SETD7: variants seen among roughly 807,000 people sequenced by gnomAD.
SETD7 encodes the protein histone-lysine N-methyltransferase SETD7.
In SETD7, 16 loss-of-function variants were observed where a neutral mutation model predicts 41.8. That is an observed-to-expected ratio of 0.38 (90% CI 0.26 to 0.58). The LOEUF is 0.58. Ranked by LOEUF, SETD7 falls within the 20% of genes least tolerant of loss-of-function variation. The pLI is 0.64. For missense variants in SETD7, 346 were observed against 459.7 expected (o/e 0.75, Z 2.26); for synonymous variants, 163 against 169.7 (o/e 0.96, Z 0.31).
At chr4:139,545,895 A>T (rs1284303842) in intron 2 of SETD7, among the ~76,000 whole-genome samples, 1 of 152,190 alleles carries the variant, frequency 6.6e-6, no homozygotes, top group Non-Finnish European at 1.5e-5. Context: ...TACCCAACCA[A>T]CGGGTCTGAA....
downstream of SETD7, among the ~76,000 whole-genome samples, chr4:139,502,506 G>A (rs1474479714): frequency 6.6e-6 from 1 of 152,210 alleles, no homozygotes; most frequent in Non-Finnish European, 1.5e-5. Flanking sequence ...CTCCTGGACT[G>A]CAAGGGGGTG....
intron 2 of SETD7, among the ~76,000 whole-genome samples, chr4:139,542,384 G>C (rs1415838638): frequency 6.6e-6 from 1 of 152,164 alleles, no homozygotes; most frequent in East Asian, 1.9e-4. Flanking sequence ...AAAATAGCTA[G>C]AAGAAGGGAT....
chr4:139,543,816 T>G, intron 2 of SETD7, among the ~76,000 whole-genome samples: 1 of 112,168 alleles, frequency 8.9e-6, no homozygotes, highest in Non-Finnish European at 1.9e-5. Context: ...AAAAAAAAAT[T>G]AGCCGGGCGT....
intron 7 of SETD7, among the ~76,000 whole-genome samples, chr4:139,515,746 G>A (rs1435807907): frequency 6.6e-6 from 1 of 152,194 alleles, no homozygotes; most frequent in Non-Finnish European, 1.5e-5. Flanking sequence ...AAATTTTTAA[G>A]CCATTTCAAG....
In SETD7 at chr4:139,511,430, C is replaced by A. The variant is rs1726871619; in HGVS notation, c.*233G>T. 3.4e-6 allele frequency: 2 copies of A among 594,396 alleles called. No homozygotes were observed. Among genetic ancestry groups the A allele is most frequent in the East Asian group, 3.7e-5 (1 of 27,328 alleles). The allele number at this position is 594,396 out of a possible 1,614,324, so 36.8% of individuals were successfully genotyped here. On this transcript the variant is annotated 3_prime_UTR_variant, in exon 8 of 8. Transcript: ENST00000274031. ...CAAAGAACATCACGCTGTCTTATGT[C>A]AAATGCTCGACAATACCTCTCAGTA...
intron 2 of SETD7, among the ~76,000 whole-genome samples, chr4:139,533,650 A>G (rs1471400563): frequency 2.0e-5 from 3 of 152,228 alleles, no homozygotes; most frequent in Non-Finnish European, 4.4e-5. Flanking sequence ...GAAACTGAGA[A>G]CAAGTTCACT....
chr4:139,522,439 G>GTAGACAT (rs1727202701), intron 5 of SETD7, among the ~76,000 whole-genome samples: 1 of 152,192 alleles, frequency 6.6e-6, no homozygotes, highest in South Asian at 2.1e-4. Flanking sequence ...AAGTAGAACA[G>GTAGACAT]GATGTGACCC....
chr4:139,517,136 T>C (rs1727046292), intron 7 of SETD7, among the ~76,000 whole-genome samples: 1 of 152,234 alleles, frequency 6.6e-6, no homozygotes, highest in Non-Finnish European at 1.5e-5. Context: ...TGAGATGTCA[T>C]GCCCTAGGCT....
chr4:139,550,988 T>C (rs1390094114), intron 1 of SETD7, among the ~76,000 whole-genome samples: 1 of 152,168 alleles, frequency 6.6e-6, no homozygotes, highest in Non-Finnish European at 1.5e-5. Context: ...ACTGGCAAAC[T>C]AGTTGAACAC....
At chr4:139,520,751 GTTAA>G (rs1727157438) in intron 5 of SETD7, among the ~76,000 whole-genome samples, 1 of 152,180 alleles carries the variant, frequency 6.6e-6, no homozygotes, top group Non-Finnish European at 1.5e-5. Context: ...TTTTTTCAAA[GTTAA>G]TTAAAGCTAT....
At chr4:139,554,801 C>A (rs921968802) in intron 1 of SETD7, among the ~76,000 whole-genome samples, 2 of 152,248 alleles carry the variant, frequency 1.3e-5, no homozygotes, top group African/African-American at 4.8e-5. Context: ...CCCTTAAGAT[C>A]TCAGAAGCAC....
At position 139,547,040 on chromosome 4, in the gene SETD7, T is replaced by A; in HGVS notation, c.50A>T (p.Asp17Val). 6.2e-7 allele frequency: 1 copy of A among 1,613,940 alleles called. No individual in the cohort carries two copies. The highest frequency in any genetic ancestry group is 1.1e-5 in the South Asian group (1 of 91,070). Reference sequence around the variant, plus strand: ...GAACCCGTGCGGTAATCCGTCATCGTCCAGGTGCCCTGGAGAAAGGGAACC... The same window carrying A: ...GAACCCGTGCGGTAATCCGTCATCGACCAGGTGCCCTGGAGAAAGGGAACC... ...MVEEAVEGHL[D>V]DDGLPHGFCT... The change falls in exon 2 of 8, where the codon GAC (aspartate) becomes GTC (valine). Residue 17 changes from aspartate to valine, a missense_variant. This residue lies in a region of SETD7 where 266 missense variants were observed against 377.0 expected (regional missense o/e 0.71). Transcript: ENST00000274031.
At chr4:139,502,897 G>A (rs536157072), downstream of SETD7, among the ~76,000 whole-genome samples, 83 of 152,208 alleles carry the variant, frequency 5.5e-4, no homozygotes, top group Non-Finnish European at 1.1e-3. Flanking sequence ...TAAGAAGCTG[G>A]TCTTGCTGGG....
intron 7 of SETD7, among the ~76,000 whole-genome samples, chr4:139,513,849 A>G (rs1441847894): frequency 2.0e-5 from 3 of 152,246 alleles, no homozygotes; most frequent in African/African-American, 7.2e-5. Context: ...TTCAACTAAT[A>G]TTGGTTACTG....
chr4:139,525,537 C>T (rs994117126), intron 4 of SETD7, among the ~76,000 whole-genome samples: 2 of 152,126 alleles, frequency 1.3e-5, no homozygotes, highest in Admixed American at 6.5e-5. Flanking sequence ...CCAAGGAAAG[C>T]AGTTACTATG....
intron 1 of SETD7, among the ~76,000 whole-genome samples, chr4:139,547,309 A>G (rs1282385096): frequency 6.6e-6 from 1 of 152,224 alleles, no homozygotes; most frequent in African/African-American, 2.4e-5. Flanking sequence ...CAGAATATGA[A>G]CTTTAAATAA....
At chr4:139,515,401 ATCT>A (rs1294344215) in intron 7 of SETD7, among the ~76,000 whole-genome samples, 3 of 152,184 alleles carry the variant, frequency 2.0e-5, no homozygotes, top group East Asian at 3.8e-4. Context: ...TACAAATGAA[ATCT>A]TCTCTTGTCT....
At chr4:139,520,540 A>T (rs538356802) in intron 5 of SETD7, 146 bp from the exon 6 acceptor site, 1 of 495,178 alleles carries the variant, frequency 2.0e-6, no homozygotes, top group African/African-American at 2.0e-5. Context: ...AAAAAGTTAA[A>T]CCACAATATT....
intron 3 of SETD7, among the ~76,000 whole-genome samples, chr4:139,531,128 G>A (rs1727473624): frequency 6.6e-6 from 1 of 152,166 alleles, no homozygotes; most frequent in African/African-American, 2.4e-5. Context: ...GACAAAGGCT[G>A]CTTTTCTGCT....
Sources: gnomAD v4.1 joint callset for allele counts (sites outside exome capture counted in the v4.1 genomes callset) on GRCh38, gnomAD v4.1.1 for gene constraint, gnomAD v4.1.1 regional missense constraint, MANE v1.5 for transcripts, NCBI Gene and HGNC (gene_info 2026-07-23, HGNC 2026-07-21) for gene names.